The following PDGFC variants were observed in gnomAD, a reference collection of about 807,000 sequenced individuals.
PDGFC encodes the protein platelet-derived growth factor C.
PDGFC carries 12 observed loss-of-function variants against 35.5 expected under a neutral mutation model. The ratio of observed to expected loss-of-function variants is 0.34; its 90% confidence interval spans 0.22 to 0.55. The LOEUF (loss-of-function observed/expected upper bound fraction) is 0.55. PDGFC is among the 20% of genes least tolerant of loss of function. PDGFC has a pLI of 0.91. For synonymous variants in PDGFC, 159 were observed against 148.8 expected (o/e 1.07, Z -0.50); for missense variants, 322 against 412.4 (o/e 0.78, Z 1.90).
In PDGFC at chr4:156,760,936, A is replaced by T. The variant is rs72974645; in HGVS notation, c.*2154T>A. 2.0e-5 allele frequency: 3 copies of T among 152,220 alleles called. No individual in the cohort carries two copies. Among genetic ancestry groups the T allele is most frequent in the Non-Finnish European group, 4.4e-5 (3 of 68,048 alleles). 9.4% of individuals were successfully genotyped at this position (152,220 alleles called of 1,614,324 possible). A position where few individuals can be genotyped will look rare whatever the true frequency, so the allele number is the denominator to read the frequency against. ...CTACTTACTACGTTGCATATTCCAT[A>T]TATCTAGTTGGCCTCTATATGGATA... On this transcript the variant is annotated 3_prime_UTR_variant, in exon 6 of 6. Coordinates refer to ENST00000502773, the MANE Select transcript of PDGFC (RefSeq NM_016205.3).
intron 3 of PDGFC, among the ~76,000 whole-genome samples, chr4:156,794,195 G>A (rs569730566): frequency 1.3e-5 from 2 of 152,166 alleles, no homozygotes; most frequent in African/African-American, 2.4e-5. Context: ...CTGACACACT[G>A]GGAAAGCTGA....
At chr4:156,766,567 A>G (rs1487069645) in intron 5 of PDGFC, among the ~76,000 whole-genome samples, 4 of 152,144 alleles carry the variant, frequency 2.6e-5, no homozygotes, top group Non-Finnish European at 4.4e-5. Flanking sequence ...AATTACACCA[A>G]TGAAAATCTG....
intron 2 of PDGFC, among the ~76,000 whole-genome samples, chr4:156,818,119 T>C (rs182162370): frequency 2.8e-3 from 412 of 147,064 alleles, no homozygotes; most frequent in South Asian, 5.4e-3. Flanking sequence ...ATGGCAATAC[T>C]AGATACTAAA....
chr4:156,820,583 T>C (rs544542209), intron 2 of PDGFC, among the ~76,000 whole-genome samples: 6 of 152,354 alleles, frequency 3.9e-5, no homozygotes, highest in African/African-American at 1.4e-4. Flanking sequence ...TATTGTGATA[T>C]TTGCTTTATT....
chr4:156,857,750 G>A (rs962493366), intron 1 of PDGFC, among the ~76,000 whole-genome samples: 1 of 152,080 alleles, frequency 6.6e-6, no homozygotes, highest in Admixed American at 6.6e-5. Context: ...GCCAATCAGA[G>A]TAAATACAAT....
chr4:156,936,057 A>C (rs1357095834), intron 1 of PDGFC, among the ~76,000 whole-genome samples: 1 of 152,200 alleles, frequency 6.6e-6, no homozygotes, highest in Non-Finnish European at 1.5e-5. Context: ...TGGTCATTGG[A>C]GATTAATATT....
intron 1 of PDGFC, among the ~76,000 whole-genome samples, chr4:156,904,876 G>C (rs1376679217): frequency 6.6e-6 from 1 of 152,130 alleles, no homozygotes; most frequent in African/African-American, 2.4e-5. Flanking sequence ...TGACAGCAGA[G>C]AATTGATATG....
At chr4:156,878,155 T>C (rs903357780) in intron 1 of PDGFC, among the ~76,000 whole-genome samples, 11 of 152,144 alleles carry the variant, frequency 7.2e-5, no homozygotes, top group African/African-American at 2.7e-4. Flanking sequence ...CTTAAAAATA[T>C]TTGGGAAATT....
At chr4:156,948,590 A>G (rs544088737) in intron 1 of PDGFC, among the ~76,000 whole-genome samples, 1 of 152,144 alleles carries the variant, frequency 6.6e-6, no homozygotes, top group East Asian at 1.9e-4. Context: ...ATTAGGTTTA[A>G]GGAATTAGCA....
At chr4:156,908,864 A>G (rs1227096209) in intron 1 of PDGFC, among the ~76,000 whole-genome samples, 1 of 152,190 alleles carries the variant, frequency 6.6e-6, no homozygotes, top group Non-Finnish European at 1.5e-5. Flanking sequence ...GGTTGAACAC[A>G]ATGTGGCATA....
At chr4:156,802,838 G>T (rs1429107248) in intron 3 of PDGFC, among the ~76,000 whole-genome samples, 1 of 152,126 alleles carries the variant, frequency 6.6e-6, no homozygotes, top group Non-Finnish European at 1.5e-5. Context: ...TTAAATTCTA[G>T]ACTTAATCAG....
Position 156,814,321 on chromosome 4 carries a change from T to C in PDGFC, c.315-3304A>G, listed in dbSNP as rs150360656. On this transcript the variant is annotated intron_variant, in intron 2 of 5. Coordinates refer to ENST00000502773, the MANE Select transcript of PDGFC (RefSeq NM_016205.3). ...GTGTGGGTCAATAGAAAAGATCCTT[T>C]AACAAAAGCATCCTGAGAAGGAGCA... 2.0e-5 allele frequency among the ~76,000 whole-genome samples: 3 copies of C among 152,164 alleles called. No homozygotes were observed. In the East Asian group the frequency reaches 5.8e-4, roughly 29 times the overall value.
chr4:156,953,122 A>T (rs1732122061), intron 1 of PDGFC, among the ~76,000 whole-genome samples: 1 of 151,950 alleles, frequency 6.6e-6, no homozygotes, highest in Admixed American at 6.6e-5. Context: ...AAGTAAAAGG[A>T]TTTACATAGT....
Position 156,760,655 on chromosome 4 carries a change from G to C in PDGFC, c.*2435C>G, listed in dbSNP as rs1171125649. ...GTGTGTGTGTTTAGTAAAATACACA[G>C]GACGATCTATGAGTAAGTGATTATA... On this transcript the variant is annotated 3_prime_UTR_variant, in exon 6 of 6. Transcript: ENST00000502773. 6.6e-6 allele frequency: 1 copy of C among 152,014 alleles called. No individual in the cohort carries two copies. Among genetic ancestry groups the C allele is most frequent in the Non-Finnish European group, 1.5e-5 (1 of 68,012 alleles). 9.4% of individuals were successfully genotyped at this position (152,014 alleles called of 1,614,324 possible).
At chr4:156,921,697 A>C (rs140327224) in intron 1 of PDGFC, among the ~76,000 whole-genome samples, 293 of 152,256 alleles carry the variant, frequency 1.9e-3, no homozygotes, top group African/African-American at 6.1e-3. Context: ...GTCTATTAGA[A>C]CTGGAAGAGT....
intron 1 of PDGFC, among the ~76,000 whole-genome samples, chr4:156,919,841 A>G (rs148080953): frequency 3.9e-4 from 60 of 152,310 alleles, no homozygotes; most frequent in Admixed American, 1.9e-3. Context: ...TACACTTTGT[A>G]TATTTGTCCC....
chr4:156,793,817 A>C (rs1731364436), intron 3 of PDGFC, among the ~76,000 whole-genome samples: 1 of 127,990 alleles, frequency 7.8e-6, no homozygotes. Flanking sequence ...TGTCATTCAC[A>C]TTTTTGGATT....
rs769286397 is a variant in PDGFC, at chr4:156,968,222, C to T, written c.118+2564G>A. 8.3e-4 allele frequency among the ~76,000 whole-genome samples: 127 copies of T among 152,170 alleles called. 1 individual carries two copies. The highest frequency in any genetic ancestry group is 2.2e-3 in the Admixed American group (34 of 15,286). ...TCACCATTAGGGACTTTAGAATACT[C>T]AAGAAAAGAGAGTATCATGAGGAGG... On this transcript the variant is annotated intron_variant, in intron 1 of 5. Transcript: ENST00000502773.
chr4:156,838,575 G>A (rs1729122896), intron 2 of PDGFC, among the ~76,000 whole-genome samples: 1 of 152,070 alleles, frequency 6.6e-6, no homozygotes, highest in Non-Finnish European at 1.5e-5. Context: ...ATCTATACAG[G>A]CAGAGAAAAA....
Sources: gnomAD v4.1 joint callset for allele counts (sites outside exome capture counted in the v4.1 genomes callset) on GRCh38, gnomAD v4.1.1 for gene constraint, MANE v1.5 for transcripts, NCBI Gene and HGNC (gene_info 2026-07-23, HGNC 2026-07-21) for gene names.